Variants in DEPDC5 observed in about 807,000 individuals in gnomAD.
DEPDC5 encodes GATOR1 complex protein DEPDC5.
Under a neutral mutation model 217.3 loss-of-function variants are expected in DEPDC5, and 73 were observed. The ratio of observed to expected loss-of-function variants is 0.34; its 90% confidence interval spans 0.28 to 0.41. The LOEUF is 0.41. DEPDC5 is among the 10% of genes least tolerant of loss of function. The probability of loss-of-function intolerance (pLI) is 1.00; values close to 1 mark genes in which losing one functional copy is unlikely to be tolerated. For missense variants in DEPDC5, 1,675 were observed against 2,070.1 expected (o/e 0.81, Z 3.70); for synonymous variants, 733 against 756.7 (o/e 0.97, Z 0.51).
chr22:31,786,990 G>T (rs2085064588), intron 10 of DEPDC5, among the ~76,000 whole-genome samples: 1 of 152,056 alleles, frequency 6.6e-6, no homozygotes, highest in African/African-American at 2.4e-5. Flanking sequence ...ATGTTGGCCA[G>T]GCTGGTCTTG....
rs552526263 is a variant in DEPDC5, at chr22:31,803,007, A to G, written c.1081+169A>G. 6.6e-5 allele frequency among the ~76,000 whole-genome samples: 10 copies of G among 152,140 alleles called. No homozygotes were observed. Among genetic ancestry groups the G allele is most frequent in the African/African-American group, 2.4e-4 (10 of 41,436 alleles). ...GTCAGGTGCTAAAATTTCATGGTCA[A>G]ATCAGTTTGGGAAATGCTGGGTCAT... On this transcript the variant is annotated intron_variant, in intron 15 of 42. Transcript: ENST00000651528.
At chr22:31,854,069 G>C (rs181348007) in intron 31 of DEPDC5, among the ~76,000 whole-genome samples, 21 of 152,336 alleles carry the variant, frequency 1.4e-4, no homozygotes, top group Admixed American at 6.5e-4. Context: ...CCATGGAGGT[G>C]TGGCTAGTGA....
At chr22:31,756,905 A>T (rs1160573655) in intron 2 of DEPDC5, among the ~76,000 whole-genome samples, 1 of 151,974 alleles carries the variant, frequency 6.6e-6, no homozygotes, top group East Asian at 1.9e-4. Context: ...TGGGCAATAG[A>T]GCAAGACCCT....
chr22:31,760,822 T>G (rs1370922316), intron 4 of DEPDC5, 120 bp downstream of exon 4: 1 of 808,698 alleles, frequency 1.2e-6, no homozygotes, highest in African/African-American at 1.7e-5. Flanking sequence ...TAAACAAATT[T>G]TAATTTAACT....
At chr22:31,897,803 T>C (rs1299742806) in intron 40 of DEPDC5, 150 bp downstream of exon 40, 8 of 903,416 alleles carry the variant, frequency 8.9e-6, no homozygotes, top group Non-Finnish European at 1.1e-5. Flanking sequence ...TAAAGGATCC[T>C]GATTCTTGAC....
intron 24 of DEPDC5, among the ~76,000 whole-genome samples, chr22:31,831,889 C>T (rs192971994): frequency 1.3e-5 from 2 of 152,286 alleles, no homozygotes; most frequent in East Asian, 3.9e-4. Context: ...AGAAAATTTC[C>T]ATCACCACCC....
intron 29 of DEPDC5, among the ~76,000 whole-genome samples, chr22:31,844,526 G>A (rs1219804001): frequency 2.0e-5 from 3 of 152,094 alleles, no homozygotes; most frequent in Non-Finnish European, 2.9e-5. Flanking sequence ...CCTTCTTAAC[G>A]TTCTCTCCAC....
chr22:31,804,969 G>A, intron 17 of DEPDC5, 54 bp downstream of exon 17: 1 of 1,520,378 alleles, frequency 6.6e-7, no homozygotes, highest in African/African-American at 1.4e-5. Flanking sequence ...CAGCTTCCTT[G>A]CCATTTTTCT....
chr22:31,837,318 A>G lies in DEPDC5; in HGVS notation c.2354+163A>G, dbSNP rs547669659. The G allele has an allele frequency of 4.4e-4, 311 of 707,112 alleles. 1 individual carries two copies. The highest frequency in any genetic ancestry group is 6.3e-4 in the Non-Finnish European group (284 of 452,032). 43.8% of individuals were successfully genotyped at this position (707,112 alleles called of 1,614,324 possible). A position where few individuals can be genotyped will look rare whatever the true frequency, so the allele number is the denominator to read the frequency against. ...ATGGCCGTTAAATAAAAAATTTTAA[A>G]AAAACATTGAATTGTATTTTATCTT... On this transcript the variant is annotated intron_variant, in intron 26 of 42. Coordinates refer to ENST00000651528, the MANE Select transcript of DEPDC5 (RefSeq NM_001242896.3).
At chr22:31,801,865 ATCT>A (rs1442579177) in intron 14 of DEPDC5, among the ~76,000 whole-genome samples, 1 of 152,080 alleles carries the variant, frequency 6.6e-6, no homozygotes, top group East Asian at 1.9e-4. Context: ...CTATTAGTAA[ATCT>A]TCTTGTCATA....
chr22:31,905,222 A>G, intron 41 of DEPDC5, among the ~76,000 whole-genome samples: 1 of 151,364 alleles, frequency 6.6e-6, no homozygotes, highest in East Asian at 2.0e-4. Flanking sequence ...TCGCCCTGTC[A>G]CCCAGGCTGG....
intron 3 of DEPDC5, 60 bp from the exon 4 acceptor site, chr22:31,760,596 A>G: frequency 6.7e-7 from 1 of 1,485,630 alleles, no homozygotes; most frequent in Non-Finnish European, 9.3e-7. Flanking sequence ...GTCGGGGATG[A>G]AGGTTGCTAG....
chr22:31,858,230 A>T (rs1467641913), intron 32 of DEPDC5: 2 of 152,334 alleles, frequency 1.3e-5, no homozygotes, highest in East Asian at 3.9e-4. Flanking sequence ...TTGATAATGA[A>T]ATTCCCATCA....
At chr22:31,823,635 G>T (rs1341994865) in intron 24 of DEPDC5, among the ~76,000 whole-genome samples, 1 of 152,088 alleles carries the variant, frequency 6.6e-6, no homozygotes, top group Non-Finnish European at 1.5e-5. Context: ...CAGTGCGGGT[G>T]GGGGAAGCAG....
chr22:31,822,828 G>T (rs2089827476), intron 24 of DEPDC5, 38 bp downstream of exon 24: 10 of 1,596,280 alleles, frequency 6.3e-6, no homozygotes, highest in Non-Finnish European at 7.7e-6. Flanking sequence ...GGGATGTTTA[G>T]ATCAGGCTCA....
intron 33 of DEPDC5, among the ~76,000 whole-genome samples, chr22:31,864,905 G>A (rs933826299): frequency 2.6e-5 from 4 of 152,080 alleles, no homozygotes; most frequent in Non-Finnish European, 5.9e-5. Flanking sequence ...TGGCCAGGCT[G>A]GTCTCCAACT....
intron 40 of DEPDC5, among the ~76,000 whole-genome samples, chr22:31,898,548 G>T (rs1341361111): frequency 1.3e-5 from 2 of 152,188 alleles, no homozygotes; most frequent in East Asian, 3.9e-4. Context: ...TGACGTAAGA[G>T]AGATGCTTTC....
intron 35 of DEPDC5, among the ~76,000 whole-genome samples, chr22:31,873,657 A>G (rs1357259635): frequency 6.6e-6 from 1 of 152,038 alleles, no homozygotes; most frequent in Non-Finnish European, 1.5e-5. Context: ...CACAGGGTTG[A>G]TGTAAAGATT....
intron 11 of DEPDC5, 131 bp downstream of exon 11, chr22:31,792,233 T>C: frequency 3.0e-6 from 2 of 674,878 alleles, no homozygotes; most frequent in Non-Finnish European, 5.2e-6. Context: ...ATGGGGACAG[T>C]GTAAAAGGGA....
Sources: allele counts gnomAD v4.1 joint callset (sites outside exome capture counted in the v4.1 genomes callset), GRCh38; gene constraint gnomAD v4.1.1; transcripts MANE v1.5; gene names NCBI Gene and HGNC (gene_info 2026-07-23, HGNC 2026-07-21).